The following TANC2 variants were observed in gnomAD, a reference collection of about 807,000 sequenced individuals.
TANC2 encodes the protein protein TANC2.
In TANC2, 26 loss-of-function variants were observed where a neutral mutation model predicts 210.5. That is an observed-to-expected ratio of 0.12 (90% CI 0.09 to 0.17). The LOEUF is 0.17. Among genes scored for constraint, TANC2 ranks in the 10% least tolerant of loss-of-function variants. The pLI, the probability that TANC2 is intolerant of heterozygous loss-of-function variation, is 1.00. For synonymous variants in TANC2, 931 were observed against 967.1 expected, an observed-to-expected ratio of 0.96 and a Z score of 0.69; for missense variants, 2,129 against 2,608.9, an observed-to-expected ratio of 0.82 and a Z score of 4.01.
intron 3 of TANC2, among the ~76,000 whole-genome samples, chr17:63,087,935 C>T (rs1047825978): frequency 1.3e-5 from 2 of 152,090 alleles, no homozygotes; most frequent in Admixed American, 6.5e-5. Flanking sequence ...GATTTTTCAA[C>T]GTGTTTAGTT....
At chr17:63,072,976 T>C (rs1045689925) in intron 2 of TANC2, among the ~76,000 whole-genome samples, 1 of 152,074 alleles carries the variant, frequency 6.6e-6, no homozygotes, top group African/African-American at 2.4e-5. Context: ...AATAAGTAGA[T>C]GACAGAGCAA....
chr17:63,386,276 A>C, intron 15 of TANC2, among the ~76,000 whole-genome samples: 1 of 152,318 alleles, frequency 6.6e-6, no homozygotes, highest in Non-Finnish European at 1.5e-5. Flanking sequence ...AAACCAAAAA[A>C]ATTTTAGTTC....
intron 14 of TANC2, among the ~76,000 whole-genome samples, chr17:63,372,893 CTTTTTT>C (rs753800050): frequency 1.7e-5 from 2 of 115,938 alleles, no homozygotes; most frequent in Admixed American, 9.9e-5. Context: ...TGATTACCAT[CTTTTTT>C]TTTTTTTTTT....
At chr17:63,027,218 C>T (rs1201192710) in intron 2 of TANC2, among the ~76,000 whole-genome samples, 2 of 152,008 alleles carry the variant, frequency 1.3e-5, no homozygotes, top group Non-Finnish European at 2.9e-5. Context: ...AGTTTGGATG[C>T]TATTGCTGAA....
chr17:63,040,224 G>A (rs907113183), intron 2 of TANC2, among the ~76,000 whole-genome samples: 1 of 152,140 alleles, frequency 6.6e-6, no homozygotes, highest in Non-Finnish European at 1.5e-5. Flanking sequence ...CAAAATGTTT[G>A]TAAGAACGGC....
intron 4 of TANC2, among the ~76,000 whole-genome samples, chr17:63,107,838 G>A (rs2037886394): frequency 6.6e-6 from 1 of 151,712 alleles, no homozygotes; most frequent in Non-Finnish European, 1.5e-5. Context: ...TATAGGTAGT[G>A]AATGCTTAAG....
chr17:63,043,286 A>G (rs1429248355), intron 2 of TANC2, among the ~76,000 whole-genome samples: 1 of 152,110 alleles, frequency 6.6e-6, no homozygotes, highest in Non-Finnish European at 1.5e-5. Flanking sequence ...ATGCCCCATC[A>G]CTTAATGGGT....
chr17:63,413,583 C>T (rs1315335705), exon 25 of TANC2: 1 of 1,602,432 alleles, frequency 6.2e-7, no homozygotes, highest in Non-Finnish European at 8.5e-7. Context: ...AGCCAGACAT[C>T]ATGATCATCC....
At chr17:63,047,544 G>A (rs1350346484) in intron 2 of TANC2, among the ~76,000 whole-genome samples, 2 of 152,064 alleles carry the variant, frequency 1.3e-5, no homozygotes, top group Admixed American at 6.6e-5. Context: ...GGTTTGAAGG[G>A]ATGAAAGGAA....
At chr17:63,074,062 A>G (rs758108782) in intron 3 of TANC2, 48 bp downstream of exon 3, 2 of 1,455,066 alleles carry the variant, frequency 1.4e-6, no homozygotes, top group Non-Finnish European at 1.9e-6. Flanking sequence ...ATAACGATAG[A>G]TATTTCTTTC....
chr17:63,379,317 T>C (rs1027009206), intron 14 of TANC2, among the ~76,000 whole-genome samples: 18 of 152,216 alleles, frequency 1.2e-4, no homozygotes, highest in Middle Eastern at 3.4e-3. Context: ...TTGAATGATA[T>C]AGTTTTGTTG....
intron 5 of TANC2, among the ~76,000 whole-genome samples, chr17:63,179,181 A>G (rs1018161907): frequency 6.6e-5 from 10 of 152,222 alleles, no homozygotes; most frequent in Admixed American, 6.5e-4. Context: ...CTCCTCAAGA[A>G]TAAGGGACTG....
At chr17:63,276,978 T>C (rs2043896356) in intron 9 of TANC2, among the ~76,000 whole-genome samples, 1 of 152,180 alleles carries the variant, frequency 6.6e-6, no homozygotes, top group Admixed American at 6.5e-5. Context: ...CTCTGCGGTA[T>C]TGGAGATGGC....
intron 4 of TANC2, among the ~76,000 whole-genome samples, chr17:63,129,685 A>G (rs1238895495): frequency 3.9e-5 from 6 of 152,190 alleles, no homozygotes; most frequent in African/African-American, 1.2e-4. Flanking sequence ...CTTCATATCT[A>G]TAGTATTTTA....
Position 63,420,782 on chromosome 17 carries a change from G to A in TANC2, c.5052G>A (p.Gln1684=), listed in dbSNP as rs2049001988. 1 of 1,614,012 alleles carries A rather than the reference G, an allele frequency of 6.2e-7. No individual in the cohort carries two copies. Among genetic ancestry groups the A allele is most frequent in the African/African-American group, 1.3e-5 (1 of 75,038 alleles). Residue 1684 remains glutamine (Q), a synonymous_variant, in exon 28 of 28, where the codon CAG becomes CAA. Transcript: ENST00000689528. The surrounding 1 kb of genome is among the most constrained non-coding windows in gnomAD (Gnocchi z 4.2). ...CTCAGCTCCCTGTGGCAGTTCCCCA[G>A]CAAGGGCTCAGGCTACAGCCTGCCA...
intron 7 of TANC2, among the ~76,000 whole-genome samples, chr17:63,232,486 G>A (rs752939989): frequency 6.6e-6 from 1 of 152,342 alleles, no homozygotes. Context: ...TCTGTTATTT[G>A]TTTTTCTTTT....
chr17:63,024,497 C>G (rs774761631), intron 2 of TANC2, among the ~76,000 whole-genome samples: 2 of 152,082 alleles, frequency 1.3e-5, no homozygotes, highest in East Asian at 1.9e-4. Flanking sequence ...TTTACTGCAC[C>G]CTGTTTTGTC....
intron 2 of TANC2, among the ~76,000 whole-genome samples, chr17:63,044,124 C>T (rs968211867): frequency 1.3e-5 from 2 of 152,044 alleles, no homozygotes; most frequent in East Asian, 1.9e-4. Context: ...ATGTGCATTC[C>T]ATTAGTTCTC....
chr17:63,141,656 A>T (rs1027522433), intron 4 of TANC2, among the ~76,000 whole-genome samples: 8 of 152,034 alleles, frequency 5.3e-5, no homozygotes, highest in Non-Finnish European at 1.0e-4. Flanking sequence ...CTCACATTAG[A>T]ACTGGGCTCT....
Sources: allele counts gnomAD v4.1 joint callset (sites outside exome capture counted in the v4.1 genomes callset), GRCh38; gene constraint gnomAD v4.1.1; non-coding constraint Gnocchi (gnomAD v3.1); transcripts MANE v1.5; gene names NCBI Gene and HGNC (gene_info 2026-07-23, HGNC 2026-07-21).